Variants in SH3BGRL2 observed in about 807,000 individuals in gnomAD.
The protein encoded by SH3BGRL2 is SH3 domain-binding glutamic acid-rich-like protein 2.
In SH3BGRL2, 21 loss-of-function variants were observed where a neutral mutation model predicts 14.8. That is an observed-to-expected ratio of 1.42 (90% CI 1.01 to 2.05). The LOEUF is 2.05. SH3BGRL2 is among the 30% of genes most tolerant of loss of function. SH3BGRL2 has a pLI of 0.00. For synonymous variants in SH3BGRL2, 50 were observed against 47.8 expected (o/e 1.05, Z -0.19); for missense variants, 147 against 130.8 (o/e 1.12, Z -0.61).
the SH3BGRL2 span, among the ~76,000 whole-genome samples, chr6:79,579,158 C>A: frequency 1.3e-5 from 2 of 151,982 alleles, no homozygotes; most frequent in East Asian, 1.9e-4. Context: ...GTGAAAAGAC[C>A]AAATCTATAT....
intron 1 of SH3BGRL2, among the ~76,000 whole-genome samples, 186 bp downstream of exon 1, chr6:79,631,692 C>T (rs923734744): frequency 6.6e-6 from 1 of 152,154 alleles, no homozygotes; most frequent in Non-Finnish European, 1.5e-5. Context: ...GGGTGGGGGA[C>T]CCCGGCCTCA....
At chr6:79,613,225 A>G in the SH3BGRL2 span, among the ~76,000 whole-genome samples, 5 of 152,232 alleles carry the variant, frequency 3.3e-5, no homozygotes, top group Non-Finnish European at 4.4e-5. Flanking sequence ...GCTCAAAAGG[A>G]GAGAAGTTTT....
intron 2 of SH3BGRL2, among the ~76,000 whole-genome samples, chr6:79,676,399 C>T (rs1416856745): frequency 6.6e-6 from 1 of 152,158 alleles, no homozygotes; most frequent in Non-Finnish European, 1.5e-5. Flanking sequence ...TTTGCTCACT[C>T]ACCATACCTT....
chr6:79,601,566 AGT>A, the SH3BGRL2 span, among the ~76,000 whole-genome samples: 1 of 152,212 alleles, frequency 6.6e-6, no homozygotes, highest in Non-Finnish European at 1.5e-5. Flanking sequence ...CAGCAATTCA[AGT>A]GTATTTCACC....
chr6:79,658,132 G>A (rs758280437), intron 1 of SH3BGRL2, among the ~76,000 whole-genome samples: 4 of 152,136 alleles, frequency 2.6e-5, no homozygotes, highest in Non-Finnish European at 5.9e-5. Flanking sequence ...ACTAAATGAA[G>A]TGATTGGATT....
chr6:79,583,620 A>C, the SH3BGRL2 span, among the ~76,000 whole-genome samples: 1 of 152,076 alleles, frequency 6.6e-6, no homozygotes, highest in Non-Finnish European at 1.5e-5. Flanking sequence ...ATCACACACC[A>C]GGGCCTGTAA....
the SH3BGRL2 span, among the ~76,000 whole-genome samples, chr6:79,539,257 A>G: frequency 6.6e-6 from 1 of 152,250 alleles, no homozygotes; most frequent in East Asian, 1.9e-4. Flanking sequence ...AAGCAGTTTT[A>G]AAAGTTTTAT....
chr6:79,566,907 A>T, the SH3BGRL2 span, among the ~76,000 whole-genome samples: 5 of 151,980 alleles, frequency 3.3e-5, no homozygotes, highest in Non-Finnish European at 7.4e-5. Flanking sequence ...TAAAAAAAAA[A>T]AAAAAAAGAA....
At chr6:79,574,970 A>G in the SH3BGRL2 span, 1 of 152,214 alleles carries the variant, frequency 6.6e-6, no homozygotes, top group South Asian at 2.1e-4. Context: ...GACTTCTTAC[A>G]TGGCATCTCA....
chr6:79,651,874 C>A (rs1174695325), intron 1 of SH3BGRL2, among the ~76,000 whole-genome samples: 1 of 152,146 alleles, frequency 6.6e-6, no homozygotes, highest in African/African-American at 2.4e-5. Context: ...GGTTTCCCAG[C>A]CTTGGCACTG....
the SH3BGRL2 span, among the ~76,000 whole-genome samples, chr6:79,591,278 A>T: frequency 6.6e-6 from 1 of 152,218 alleles, no homozygotes; most frequent in Non-Finnish European, 1.5e-5. Flanking sequence ...ATCAGTAATT[A>T]TCAACAATCT....
intron 1 of SH3BGRL2, among the ~76,000 whole-genome samples, chr6:79,637,583 C>G (rs187661928): frequency 6.6e-6 from 1 of 151,922 alleles, no homozygotes; most frequent in Non-Finnish European, 1.5e-5. Context: ...ATTCCAGCTA[C>G]CTGGGAGGCT....
At chr6:79,676,639 G>A (rs55908982) in intron 2 of SH3BGRL2, among the ~76,000 whole-genome samples, 10,144 of 137,610 alleles carry the variant, frequency 0.074, 469 homozygotes, top group Non-Finnish European at 0.1. Flanking sequence ...GTGTGTGTGT[G>A]TATATATATA....
At position 79,673,795 on chromosome 6, in the gene SH3BGRL2, G is replaced by A; in HGVS notation, c.227G>A (p.Cys76Tyr). The A allele has an allele frequency of 6.2e-7, 1 of 1,613,234 alleles. No homozygotes were observed. The highest frequency in any genetic ancestry group is 8.5e-7 in the Non-Finnish European group (1 of 1,179,618). Residue 76 changes from cysteine (C) to tyrosine (Y), a missense_variant, in exon 2 of 4, where the codon TGT (cysteine) becomes TAT (tyrosine). Physicochemically the swap from Cys to Tyr is radical, Grantham distance 194. Coordinates refer to ENST00000369838, the MANE Select transcript of SH3BGRL2 (RefSeq NM_031469.4). ...CAGATATTTAATGGCGACCGATACTGTGGAGTAAGTGGCTAGACTGTTATC... is the reference window on the plus strand; with the variant it reads ...CAGATATTTAATGGCGACCGATACTATGGAGTAAGTGGCTAGACTGTTATC... ...PPQIFNGDRYCGDYDSFFESK... is the reference protein window; with the variant it reads ...PPQIFNGDRYYGDYDSFFESK...
rs1198091763 is a variant in SH3BGRL2 at position 79,665,658 on chromosome 6, T to C, written c.46-7956T>C. Among the ~76,000 whole-genome samples the C allele has an allele frequency of 3.3e-5, 5 of 152,366 alleles. No individual in the cohort carries two copies. In the East Asian group the frequency reaches 9.6e-4, roughly 29 times the overall value. On this transcript the variant is annotated intron_variant, in intron 1 of 3. Transcript: ENST00000369838. ...ATGAATTCAAGCTTAATAATATTTATTTGTTTAATACAAATATTTGCCCAT... is the reference window on the plus strand; with the variant it reads ...ATGAATTCAAGCTTAATAATATTTACTTGTTTAATACAAATATTTGCCCAT...
chr6:79,573,172 A>C, the SH3BGRL2 span, among the ~76,000 whole-genome samples: 1 of 152,184 alleles, frequency 6.6e-6, no homozygotes, highest in African/African-American at 2.4e-5. Context: ...GATTTTGTAC[A>C]TCATGTGAGG....
chr6:79,648,175 C>A (rs954651326), intron 1 of SH3BGRL2, among the ~76,000 whole-genome samples: 1 of 144,386 alleles, frequency 6.9e-6, no homozygotes, highest in African/African-American at 2.5e-5. Flanking sequence ...GCTTCAAGGC[C>A]TTTTTGGTCT....
At chr6:79,543,697 A>G in the SH3BGRL2 span, among the ~76,000 whole-genome samples, 1 of 152,202 alleles carries the variant, frequency 6.6e-6, no homozygotes, top group Admixed American at 6.5e-5. Context: ...AAACATAGGA[A>G]CTGTCTCTCT....
the SH3BGRL2 span, among the ~76,000 whole-genome samples, chr6:79,557,659 A>G: frequency 2.0e-5 from 3 of 152,218 alleles, no homozygotes; most frequent in Admixed American, 2.0e-4. Context: ...TTTGGATTAA[A>G]TGAGCAGTAC....
Sources: allele counts gnomAD v4.1 joint callset (sites outside exome capture counted in the v4.1 genomes callset), GRCh38; gene constraint gnomAD v4.1.1; transcripts MANE v1.5; gene names NCBI Gene and HGNC (gene_info 2026-07-23, HGNC 2026-07-21).